Variants in PXT1 observed in about 807,000 individuals in gnomAD.
PXT1 encodes the protein peroxisomal testis enriched protein 1.
Under a neutral mutation model 11.0 loss-of-function variants are expected in PXT1, and 11 were observed. The observed-to-expected ratio is 1.00, with a 90% CI of 0.63 to 1.66. The LOEUF is 1.66. PXT1 is among the 40% of genes most tolerant of loss of function. PXT1 has a pLI of 0.00. For synonymous variants in PXT1, 43 were observed against 51.4 expected, an observed-to-expected ratio of 0.84 and a Z score of 0.70; for missense variants, 141 against 155.5, an observed-to-expected ratio of 0.91 and a Z score of 0.49.
chr6:36,405,943 G>C (rs1774283083), intron 3 of PXT1, among the ~76,000 whole-genome samples: 1 of 152,166 alleles, frequency 6.6e-6, no homozygotes, highest in Admixed American at 6.5e-5. Context: ...TATACTATCT[G>C]GGTTTGTGTA....
chr6:36,410,538 G>A (rs1004353677), intron 3 of PXT1, among the ~76,000 whole-genome samples: 10 of 150,402 alleles, frequency 6.6e-5, no homozygotes, highest in African/African-American at 2.2e-4. Flanking sequence ...GGAGAAGGGA[G>A]GGAAAGACAA....
chr6:36,436,861 CA>C (rs1267719575), intron 2 of PXT1, among the ~76,000 whole-genome samples: 2 of 152,148 alleles, frequency 1.3e-5, no homozygotes, highest in Non-Finnish European at 2.9e-5. Flanking sequence ...TGCAAGGTTA[CA>C]ACAGTGAACA....
At chr6:36,409,695 T>C (rs1291540670) in intron 3 of PXT1, among the ~76,000 whole-genome samples, 5 of 151,544 alleles carry the variant, frequency 3.3e-5, no homozygotes, top group African/African-American at 4.9e-5. Flanking sequence ...GGTGTGGTGG[T>C]GTGTGCCTGT....
intron 3 of PXT1, among the ~76,000 whole-genome samples, chr6:36,409,824 T>A (rs1275486097): frequency 1.0e-5 from 1 of 97,578 alleles, no homozygotes; most frequent in African/African-American, 4.4e-5. Context: ...AGACCCTGTC[T>A]GGAAGGAAGG....
intron 3 of PXT1, 109 bp downstream of exon 3, chr6:36,425,805 A>ATAT (rs763685304): frequency 1.2e-5 from 4 of 335,616 alleles, no homozygotes; most frequent in African/African-American, 6.8e-5. Context: ...AAAAACAAAA[A>ATAT]ATATATATAT....
intron 3 of PXT1, among the ~76,000 whole-genome samples, chr6:36,415,040 A>G (rs1016850756): frequency 3.3e-5 from 5 of 152,176 alleles, no homozygotes; most frequent in African/African-American, 1.2e-4. Context: ...ATTCTTAACA[A>G]TCTTTGGTCT....
intron 2 of PXT1, among the ~76,000 whole-genome samples, chr6:36,430,826 G>A (rs1034277243): frequency 1.3e-4 from 20 of 151,892 alleles, no homozygotes; most frequent in African/African-American, 3.6e-4. Context: ...ACAACGTCTC[G>A]CTCTGTCACC....
chr6:36,407,749 T>C (rs1347902857), intron 3 of PXT1, among the ~76,000 whole-genome samples: 2 of 152,154 alleles, frequency 1.3e-5, no homozygotes, highest in Non-Finnish European at 2.9e-5. Flanking sequence ...TTTAAAGGTA[T>C]AGCCTATTGC....
At chr6:36,396,681 G>A (rs188432288) in intron 4 of PXT1, among the ~76,000 whole-genome samples, 5 of 152,268 alleles carry the variant, frequency 3.3e-5, no homozygotes, top group East Asian at 3.9e-4. Context: ...GCCACCCATC[G>A]ACCAATCAGC....
In PXT1 at chr6:36,403,086, G is replaced by A. The variant is rs1047639635; in HGVS notation, c.170-2502C>T. Among the ~76,000 whole-genome samples, 5 of 152,066 alleles carry A rather than the reference G, an allele frequency of 3.3e-5. No individual in the cohort carries two copies. The South Asian group carries it at 6.2e-4, about 19-fold the overall frequency. On this transcript the variant is annotated intron_variant, in intron 3 of 4. Coordinates refer to ENST00000454782, the MANE Select transcript of PXT1 (RefSeq NM_152990.4). The stretch of plus-strand genomic sequence containing the variant: ...TGTTGGCCGGAGTGGTCTCAAACTC[G>A]TGACCTCAAGTGATCTGCCCACTTC...
At chr6:36,393,268 G>A (rs751963470) in intron 4 of PXT1, among the ~76,000 whole-genome samples, 19 of 152,062 alleles carry the variant, frequency 1.2e-4, no homozygotes, top group Non-Finnish European at 2.6e-4. Context: ...GCCTGGCCCT[G>A]ACCATATCTT....
At chr6:36,408,686 G>A (rs981552018) in intron 3 of PXT1, among the ~76,000 whole-genome samples, 2 of 139,034 alleles carry the variant, frequency 1.4e-5, no homozygotes, top group African/African-American at 5.5e-5. Context: ...GGCAACACAG[G>A]GAGAGCCTGT....
intron 2 of PXT1, among the ~76,000 whole-genome samples, chr6:36,436,113 C>CA (rs11294829): frequency 0.011 from 655 of 60,060 alleles, 24 homozygotes; most frequent in African/African-American, 0.032. Flanking sequence ...AAAAGTAAGC[C>CA]AAAAAAAAAA....
intron 3 of PXT1, among the ~76,000 whole-genome samples, chr6:36,406,134 G>C (rs1582253183): frequency 6.6e-6 from 1 of 152,288 alleles, no homozygotes; most frequent in East Asian, 1.9e-4. Flanking sequence ...ATCACTATCT[G>C]ATTTGCCCAC....
chr6:36,412,317 A>C (rs1774386704), intron 3 of PXT1, among the ~76,000 whole-genome samples: 1 of 151,476 alleles, frequency 6.6e-6, no homozygotes, highest in African/African-American at 2.4e-5. Context: ...GTGCCACTGC[A>C]CTCCAGCCTG....
At chr6:36,435,489 G>T (rs1200699817) in intron 2 of PXT1, among the ~76,000 whole-genome samples, 1 of 152,108 alleles carries the variant, frequency 6.6e-6, no homozygotes, top group Non-Finnish European at 1.5e-5. Context: ...TTGAGCCCAG[G>T]AGTTCCAGGC....
intron 2 of PXT1, among the ~76,000 whole-genome samples, chr6:36,426,357 T>A (rs968184461): frequency 5.8e-4 from 24 of 41,212 alleles, no homozygotes; most frequent in African/African-American, 4.4e-3. Flanking sequence ...CTCTCTCGCT[T>A]TTTTTTTTTT....
chr6:36,412,614 C>G (rs1264089174), intron 3 of PXT1, among the ~76,000 whole-genome samples: 3 of 149,064 alleles, frequency 2.0e-5, no homozygotes, highest in Non-Finnish European at 4.4e-5. Flanking sequence ...GAGCCAAGAT[C>G]ATGCCACTGC....
At chr6:36,427,228 G>C (rs1358349024) in intron 2 of PXT1, among the ~76,000 whole-genome samples, 2 of 151,798 alleles carry the variant, frequency 1.3e-5, no homozygotes, top group African/African-American at 2.4e-5. Context: ...GTCTTAAACT[G>C]CTGACCTCGT....
Sources: gnomAD v4.1 joint callset for allele counts (sites outside exome capture counted in the v4.1 genomes callset) on GRCh38, gnomAD v4.1.1 for gene constraint, MANE v1.5 for transcripts, NCBI Gene and HGNC (gene_info 2026-07-23, HGNC 2026-07-21) for gene names.